Variants in PRELID2 observed in about 807,000 individuals in gnomAD.
PRELID2 encodes PRELI domain-containing protein 2.
In PRELID2, 25 loss-of-function variants were observed where a neutral mutation model predicts 28.4. The ratio of observed to expected loss-of-function variants is 0.88; its 90% CI spans 0.64 to 1.23. The LOEUF (loss-of-function observed/expected upper bound fraction) is 1.23. Among genes scored for constraint, PRELID2 ranks in the 50% most tolerant of loss-of-function variants. The pLI is 0.00. For missense variants in PRELID2, 201 were observed against 214.4 expected (o/e 0.94, Z 0.39); for synonymous variants, 76 against 71.6 (o/e 1.06, Z -0.31).
chr5:145,320,135 A>G, the PRELID2 span, among the ~76,000 whole-genome samples: 1 of 152,256 alleles, frequency 6.6e-6, no homozygotes, highest in East Asian at 1.9e-4. Flanking sequence ...CTGGCTACAC[A>G]CTGGATTGGA....
chr5:145,677,740 C>T (rs1304025115), intron 1 of PRELID2, among the ~76,000 whole-genome samples: 1 of 152,072 alleles, frequency 6.6e-6, no homozygotes, highest in Non-Finnish European at 1.5e-5. Context: ...AACTGAAGCA[C>T]CACCATTCAC....
At chr5:145,822,995 CCA>C (rs960338607) in intron 2 of PRELID2, 80 bp downstream of exon 2, 112 of 720,236 alleles carry the variant, frequency 1.6e-4, no homozygotes, top group South Asian at 2.5e-4. Context: ...ACCTAATAGG[CCA>C]CACACACACG....
the PRELID2 span, among the ~76,000 whole-genome samples, chr5:145,341,717 A>G: frequency 6.9e-6 from 1 of 143,932 alleles, no homozygotes; most frequent in Non-Finnish European, 1.5e-5. Flanking sequence ...AAAATTTTAG[A>G]AAAAAAAAAA....
At chr5:145,406,350 T>C in the PRELID2 span, among the ~76,000 whole-genome samples, 1 of 152,212 alleles carries the variant, frequency 6.6e-6, no homozygotes, top group Admixed American at 6.5e-5. Context: ...AATGTTTACA[T>C]AATATTTACA....
intron 1 of PRELID2, among the ~76,000 whole-genome samples, chr5:145,824,450 G>GTGTT (rs1355036862): frequency 7.1e-6 from 1 of 139,870 alleles, no homozygotes; most frequent in Non-Finnish European, 1.6e-5. Context: ...GTGTGTGTGT[G>GTGTT]TGTGTGTGTG....
At chr5:145,577,503 G>A (rs897169678) in intron 1 of PRELID2, among the ~76,000 whole-genome samples, 6 of 151,748 alleles carry the variant, frequency 4.0e-5, no homozygotes, top group Non-Finnish European at 7.4e-5. Context: ...AATAGGTCTG[G>A]CAGAAGAAAA....
chr5:145,623,079 T>A (rs1359505095), intron 1 of PRELID2, among the ~76,000 whole-genome samples: 1 of 152,032 alleles, frequency 6.6e-6, no homozygotes, highest in Non-Finnish European at 1.5e-5. Context: ...GTAAAGACTT[T>A]CCTGAAGAAA....
chr5:145,625,195 A>G (rs1408461507), intron 1 of PRELID2, among the ~76,000 whole-genome samples: 1 of 152,146 alleles, frequency 6.6e-6, no homozygotes, highest in Non-Finnish European at 1.5e-5. Flanking sequence ...TCATATTTTT[A>G]TAGTCTATGA....
chr5:145,411,337 C>A, the PRELID2 span, among the ~76,000 whole-genome samples: 1 of 152,132 alleles, frequency 6.6e-6, no homozygotes, highest in Non-Finnish European at 1.5e-5. Context: ...GACATGCCCC[C>A]ATGATTCAAT....
intron 1 of PRELID2, among the ~76,000 whole-genome samples, chr5:145,584,246 T>C (rs556641897): frequency 9.2e-5 from 14 of 151,966 alleles, no homozygotes; most frequent in African/African-American, 3.4e-4. Context: ...ATGCAGAAAA[T>C]TGAAGCTGGA....
chr5:145,512,316 G>A (rs1167910746), intron 1 of PRELID2, among the ~76,000 whole-genome samples: 1 of 152,136 alleles, frequency 6.6e-6, no homozygotes, highest in African/African-American at 2.4e-5. Context: ...GCCAAAGCAG[G>A]GTGGGGAGTC....
chr5:145,257,251 C>A, the PRELID2 span, among the ~76,000 whole-genome samples: 7 of 150,052 alleles, frequency 4.7e-5, no homozygotes, highest in Non-Finnish European at 8.8e-5. Flanking sequence ...AGAGCAGTAA[C>A]TATATAATAC....
chr5:145,578,835 A>C (rs1046534920), intron 1 of PRELID2, among the ~76,000 whole-genome samples: 1 of 152,118 alleles, frequency 6.6e-6, no homozygotes, highest in African/African-American at 2.4e-5. Context: ...GCCATTAAGT[A>C]GATTTTATAA....
At position 145,699,206 on chromosome 5, in the gene PRELID2, G is replaced by A. The variant is rs138814266; in HGVS notation, n.70+65725C>T. On this transcript the variant is annotated intron_variant and non_coding_transcript_variant, in intron 1 of 2. Coordinates refer to the PRELID2 transcript ENST00000510259. ...ACTGGGAATGCTTCCTGGGGTAAGA[G>A]ACATCTGAGATGGGACCCAGAGATG... is the stretch of plus-strand genomic sequence containing the variant. Among the ~76,000 whole-genome samples, 374 of 152,224 alleles carry A rather than the reference G, an allele frequency of 2.5e-3. 2 individuals carry two copies. The highest frequency in any genetic ancestry group is 8.8e-3 in the African/African-American group (365 of 41,538).
At chr5:145,573,356 G>A (rs1384007124) in intron 1 of PRELID2, among the ~76,000 whole-genome samples, 1 of 150,886 alleles carries the variant, frequency 6.6e-6, no homozygotes, top group East Asian at 1.9e-4. Context: ...TTTACTTTAA[G>A]TTCTGGGATA....
At chr5:145,569,361 C>A (rs1280345891) in intron 1 of PRELID2, among the ~76,000 whole-genome samples, 3 of 152,134 alleles carry the variant, frequency 2.0e-5, no homozygotes, top group Admixed American at 1.3e-4. Context: ...TGGGTGGATC[C>A]AGCCCTTAAT....
At chr5:145,378,776 T>C in the PRELID2 span, among the ~76,000 whole-genome samples, 2 of 152,186 alleles carry the variant, frequency 1.3e-5, no homozygotes, top group Non-Finnish European at 2.9e-5. Context: ...TATTTTGAAT[T>C]CTATTTCTGT....
At chr5:145,444,154 T>G in the PRELID2 span, among the ~76,000 whole-genome samples, 2 of 152,054 alleles carry the variant, frequency 1.3e-5, no homozygotes, top group Admixed American at 1.3e-4. Context: ...ATTTGACATT[T>G]CAGATGGCAA....
At chr5:145,701,414 T>C (rs1393309177) in intron 1 of PRELID2, among the ~76,000 whole-genome samples, 1 of 152,216 alleles carries the variant, frequency 6.6e-6, no homozygotes, top group Non-Finnish European at 1.5e-5. Flanking sequence ...AGAAAAAAAT[T>C]AATGTAATTG....
Sources: gnomAD v4.1 joint callset for allele counts (sites outside exome capture counted in the v4.1 genomes callset) on GRCh38, gnomAD v4.1.1 for gene constraint, MANE v1.5 for transcripts, NCBI Gene and HGNC (gene_info 2026-07-23, HGNC 2026-07-21) for gene names.